ZFAT: variants seen among roughly 807,000 people sequenced by gnomAD.
ZFAT encodes the protein zinc finger and AT-hook domain containing, also known as zinc finger protein ZFAT.
ZFAT carries 64 observed loss-of-function variants against 117.7 expected under a neutral mutation model. The ratio of observed to expected loss-of-function variants is 0.54; its 90% CI spans 0.44 to 0.67. ZFAT has a LOEUF of 0.67. Among genes scored for constraint, ZFAT ranks in the 30% least tolerant of loss-of-function variants. The probability of loss-of-function intolerance (pLI) is 0.00; values close to 1 mark genes in which losing one functional copy is unlikely to be tolerated. For missense variants in ZFAT, 1,433 were observed against 1,584.5 expected, an observed-to-expected ratio of 0.90 and a Z score of 1.62; for synonymous variants, 679 against 615.0, an observed-to-expected ratio of 1.10 and a Z score of -1.54.
chr8:134,520,768 A>C lies in ZFAT; in HGVS notation c.3234+115T>G, dbSNP rs1820598735. Reference sequence around the variant, plus strand: ...TTTGAAAACGTTTCAGAAGTTCCCCAAACAGAAAATCTAATGTTCTGAGGA... The same window carrying C: ...TTTGAAAACGTTTCAGAAGTTCCCCCAACAGAAAATCTAATGTTCTGAGGA... On this transcript the variant is annotated intron_variant, in intron 13 of 15. Transcript: ENST00000377838. 30 of 821,602 alleles carry C rather than the reference A, an allele frequency of 3.7e-5. No homozygotes were observed. In the South Asian group the frequency reaches 5.3e-4, roughly 14 times the overall value. 50.9% of individuals were successfully genotyped at this position (821,602 alleles called of 1,614,324 possible). A position where few individuals can be genotyped will look rare whatever the true frequency, so the allele number is the denominator to read the frequency against.
chr8:134,577,550 A>T (rs1173974171), intron 10 of ZFAT, among the ~76,000 whole-genome samples: 3 of 152,246 alleles, frequency 2.0e-5, no homozygotes, highest in Non-Finnish European at 2.9e-5. Flanking sequence ...TGTGAGTACT[A>T]CTATATCGCA....
chr8:134,483,806 T>C (rs1468961923), intron 15 of ZFAT, among the ~76,000 whole-genome samples: 1 of 152,228 alleles, frequency 6.6e-6, no homozygotes, highest in African/African-American at 2.4e-5. Flanking sequence ...GGCACTTTGC[T>C]GGGCTCTCTT....
the ZFAT span, among the ~76,000 whole-genome samples, chr8:134,735,361 G>A: frequency 6.6e-5 from 10 of 152,192 alleles, no homozygotes; most frequent in Admixed American, 5.2e-4. Context: ...GCTTACACAT[G>A]GGAAGTAGCA....
At chr8:134,533,942 T>C (rs770455550) in intron 11 of ZFAT, among the ~76,000 whole-genome samples, 1 of 152,194 alleles carries the variant, frequency 6.6e-6, no homozygotes, top group African/African-American at 2.4e-5. Flanking sequence ...TGCTGTATGA[T>C]TCCGACAGTG....
At chr8:134,625,394 A>G (rs1378657321) in intron 3 of ZFAT, among the ~76,000 whole-genome samples, 3 of 152,140 alleles carry the variant, frequency 2.0e-5, no homozygotes, top group Non-Finnish European at 4.4e-5. Flanking sequence ...TGCCTATTCC[A>G]TCTCCTTCTC....
intron 1 of ZFAT, among the ~76,000 whole-genome samples, chr8:134,677,077 A>G (rs1005291662): frequency 1.3e-5 from 2 of 152,248 alleles, no homozygotes; most frequent in South Asian, 2.1e-4. Flanking sequence ...GCAGAAGACA[A>G]GAAATAACTA....
At chr8:134,670,930 G>A (rs6991245) in intron 1 of ZFAT, among the ~76,000 whole-genome samples, 52,463 of 151,772 alleles carry the variant, frequency 0.35, 9,424 homozygotes, top group South Asian at 0.43. Flanking sequence ...TATCACCACC[G>A]ATCCCACAGA....
intron 14 of ZFAT, among the ~76,000 whole-genome samples, chr8:134,511,255 G>GGT (rs551103119): frequency 4.6e-5 from 7 of 152,118 alleles, no homozygotes; most frequent in East Asian, 1.9e-4. Flanking sequence ...GTGTGTGGGG[G>GGT]GTGTGTGTGT....
At chr8:134,633,999 T>C (rs1294923487) in intron 3 of ZFAT, among the ~76,000 whole-genome samples, 2 of 152,112 alleles carry the variant, frequency 1.3e-5, no homozygotes, top group Admixed American at 1.3e-4. Flanking sequence ...TGAGCTGAGA[T>C]TGCGCCACTG....
chr8:134,720,252 C>G, the ZFAT span, among the ~76,000 whole-genome samples: 1 of 152,196 alleles, frequency 6.6e-6, no homozygotes, highest in Non-Finnish European at 1.5e-5. Flanking sequence ...ACCAGTCAAC[C>G]CATAGGATTG....
rs188737825 is a variant in ZFAT, at chr8:134,605,641, A to G, written c.786-2708T>C. ...TTATTCCACTTATGGGAATTTATCCAAAAGAAAGAATACAAAATTCAGATG... is the reference window on the plus strand; with the variant it reads ...TTATTCCACTTATGGGAATTTATCCGAAAGAAAGAATACAAAATTCAGATG... On this transcript the variant is annotated intron_variant, in intron 5 of 15. Transcript: ENST00000377838. 1.2e-4 allele frequency among the ~76,000 whole-genome samples: 19 copies of G among 152,272 alleles called. 1 individual carries two copies. In the East Asian group the frequency reaches 1.3e-3, roughly 11 times the overall value.
At chr8:134,588,163 G>T in intron 9 of ZFAT, 83 bp downstream of exon 9, 1 of 1,434,080 alleles carries the variant, frequency 7.0e-7, no homozygotes. Context: ...GTGAAGATAC[G>T]GCTTCCTCTT....
At chr8:134,829,297 TTG>T in the ZFAT span, among the ~76,000 whole-genome samples, 2 of 152,242 alleles carry the variant, frequency 1.3e-5, no homozygotes, top group Non-Finnish European at 2.9e-5. Flanking sequence ...GTTAATGCAT[TTG>T]ATGTGTGGCC....
intron 11 of ZFAT, among the ~76,000 whole-genome samples, chr8:134,549,919 C>T (rs1000140441): frequency 1.3e-4 from 20 of 152,066 alleles, no homozygotes; most frequent in African/African-American, 4.3e-4. Flanking sequence ...GAGACAAACG[C>T]CCGAAAGGAA....
chr8:134,557,805 G>T (rs1384560730), intron 11 of ZFAT, among the ~76,000 whole-genome samples: 2 of 152,086 alleles, frequency 1.3e-5, no homozygotes, highest in African/African-American at 2.4e-5. Context: ...CCAATTAAAG[G>T]GCAGTGATTG....
intron 11 of ZFAT, 29 bp downstream of exon 11, chr8:134,565,304 A>G: frequency 6.2e-7 from 1 of 1,611,568 alleles, no homozygotes; most frequent in South Asian, 1.1e-5. Context: ...TTGTCTGAAC[A>G]TCTGCCTTCT....
chr8:134,825,978 G>T, the ZFAT span, among the ~76,000 whole-genome samples: 1 of 148,638 alleles, frequency 6.7e-6, no homozygotes, highest in Admixed American at 6.7e-5. Flanking sequence ...CCGAGATTGC[G>T]CCACTGCACT....
the ZFAT span, among the ~76,000 whole-genome samples, chr8:134,780,269 A>G: frequency 1.3e-5 from 2 of 152,210 alleles, no homozygotes; most frequent in Non-Finnish European, 2.9e-5. Context: ...TGGTTGCTAG[A>G]GGCAACCAGT....
the ZFAT span, among the ~76,000 whole-genome samples, chr8:134,763,723 A>G: frequency 1.3e-5 from 2 of 152,324 alleles, no homozygotes; most frequent in South Asian, 2.1e-4. Flanking sequence ...AAATGCATAA[A>G]TACACGAATG....
Sources: gnomAD v4.1 joint callset for allele counts (sites outside exome capture counted in the v4.1 genomes callset) on GRCh38, gnomAD v4.1.1 for gene constraint, MANE v1.5 for transcripts, NCBI Gene and HGNC (gene_info 2026-07-23, HGNC 2026-07-21) for gene names.